FHIT: variants seen among roughly 807,000 people sequenced by gnomAD.
The protein encoded by FHIT is fragile histidine triad diadenosine triphosphatase.
In FHIT, 19 loss-of-function variants were observed where a neutral mutation model predicts 17.9. That is an observed-to-expected ratio of 1.06 (90% confidence interval 0.74 to 1.56). The LOEUF is 1.56. Among genes scored for constraint, FHIT ranks in the 40% most tolerant of loss-of-function variants. The pLI, the probability that FHIT is intolerant of heterozygous loss-of-function variation, is 0.00. For missense variants in FHIT, 248 were observed against 189.2 expected (o/e 1.31, Z -1.82); for synonymous variants, 81 against 69.7 (o/e 1.16, Z -0.81).
intron 5 of FHIT, among the ~76,000 whole-genome samples, chr3:60,082,509 T>C (rs1055956512): frequency 8.5e-5 from 13 of 152,120 alleles, no homozygotes; most frequent in African/African-American, 2.9e-4. Context: ...AATTACTGGG[T>C]TGAACAGTAG....
intron 4 of FHIT, among the ~76,000 whole-genome samples, chr3:60,568,012 C>A (rs2107655939): frequency 6.6e-6 from 1 of 152,258 alleles, no homozygotes; most frequent in South Asian, 2.1e-4. Flanking sequence ...GTTGGTGGGA[C>A]TGTAAACTAG....
intron 8 of FHIT, among the ~76,000 whole-genome samples, chr3:59,813,864 G>A (rs1700494829): frequency 6.6e-6 from 1 of 152,086 alleles, no homozygotes; most frequent in Non-Finnish European, 1.5e-5. Context: ...CTATGAAGGG[G>A]GTAACTGAGG....
intron 4 of FHIT, among the ~76,000 whole-genome samples, chr3:60,763,756 C>G (rs1165518238): frequency 6.6e-6 from 1 of 152,176 alleles, no homozygotes; most frequent in Non-Finnish European, 1.5e-5. Context: ...CAAATCAAGA[C>G]TCATATTACA....
intron 7 of FHIT, among the ~76,000 whole-genome samples, chr3:60,007,877 G>A (rs1699985325): frequency 6.6e-6 from 1 of 152,162 alleles, no homozygotes; most frequent in African/African-American, 2.4e-5. Context: ...TGTTAGGTCA[G>A]AGAATTCTTT....
At chr3:60,281,912 T>C (rs1389541197) in intron 5 of FHIT, among the ~76,000 whole-genome samples, 1 of 152,144 alleles carries the variant, frequency 6.6e-6, no homozygotes, top group Non-Finnish European at 1.5e-5. Context: ...TAGAAAATAT[T>C]AACATCATAT....
At chr3:60,736,727 T>TATAAATA (rs2042140140) in intron 4 of FHIT, among the ~76,000 whole-genome samples, 1 of 152,208 alleles carries the variant, frequency 6.6e-6, no homozygotes, top group Non-Finnish European at 1.5e-5. Flanking sequence ...TAATGGCTAC[T>TATAAATA]CAACTTTGTA....
At chr3:60,050,483 G>C (rs1159178506) in intron 5 of FHIT, among the ~76,000 whole-genome samples, 1 of 152,072 alleles carries the variant, frequency 6.6e-6, no homozygotes, top group South Asian at 2.1e-4. Flanking sequence ...TTAGGTACTT[G>C]CCATTTGAGA....
At chr3:61,139,694 T>C (rs545711499) in intron 2 of FHIT, among the ~76,000 whole-genome samples, 1 of 152,314 alleles carries the variant, frequency 6.6e-6, no homozygotes, top group African/African-American at 2.4e-5. Context: ...AATTTTGCTG[T>C]AGCATGAAGA....
At chr3:60,038,791 C>T (rs550380835) in intron 5 of FHIT, among the ~76,000 whole-genome samples, 3 of 152,126 alleles carry the variant, frequency 2.0e-5, no homozygotes, top group South Asian at 4.2e-4. Flanking sequence ...TACCATGGTG[C>T]GAAACAAAGA....
chr3:60,683,476 G>C (rs1247213558), intron 4 of FHIT, among the ~76,000 whole-genome samples: 3 of 151,916 alleles, frequency 2.0e-5, no homozygotes. Flanking sequence ...CTTACTGAAG[G>C]CTCAAATGAT....
chr3:60,233,774 C>A (rs1704622278), intron 5 of FHIT, among the ~76,000 whole-genome samples: 1 of 152,018 alleles, frequency 6.6e-6, no homozygotes, highest in Non-Finnish European at 1.5e-5. Flanking sequence ...CCATGCTGTT[C>A]TTGTGATAGT....
intron 5 of FHIT, among the ~76,000 whole-genome samples, chr3:60,312,323 G>A (rs1173152843): frequency 6.6e-6 from 1 of 151,772 alleles, no homozygotes; most frequent in Admixed American, 6.6e-5. Context: ...AAATTTTTTT[G>A]TACAGACAAG....
intron 4 of FHIT, among the ~76,000 whole-genome samples, chr3:60,638,417 A>C (rs1189853140): frequency 6.6e-6 from 1 of 152,220 alleles, no homozygotes. Flanking sequence ...CACTGACAAC[A>C]TGTGAATCTA....
At chr3:60,958,029 G>A (rs1292621652) in intron 3 of FHIT, among the ~76,000 whole-genome samples, 5 of 151,890 alleles carry the variant, frequency 3.3e-5, no homozygotes, top group Middle Eastern at 3.2e-3. Flanking sequence ...TCTTTTGTAC[G>A]CACTTAAAAA....
intron 5 of FHIT, among the ~76,000 whole-genome samples, chr3:60,312,073 G>A (rs1203170775): frequency 6.6e-6 from 1 of 152,032 alleles, no homozygotes; most frequent in East Asian, 1.9e-4. Flanking sequence ...ATACAGCAAG[G>A]GTAAACACTG....
At chr3:60,628,599 T>C (rs1478436066) in intron 4 of FHIT, among the ~76,000 whole-genome samples, 2 of 152,202 alleles carry the variant, frequency 1.3e-5, no homozygotes, top group Admixed American at 6.5e-5. Context: ...AGGCCAATTT[T>C]TCGTTACTCC....
intron 5 of FHIT, among the ~76,000 whole-genome samples, chr3:60,466,025 A>G (rs923390326): frequency 2.6e-5 from 4 of 152,064 alleles, no homozygotes; most frequent in African/African-American, 4.8e-5. Context: ...TGAACATGGA[A>G]TATCTTTCCA....
chr3:60,464,900 T>G (rs747764869), intron 5 of FHIT, among the ~76,000 whole-genome samples: 1 of 152,152 alleles, frequency 6.6e-6, no homozygotes, highest in Non-Finnish European at 1.5e-5. Context: ...CTGGATCATA[T>G]GGTAGCTCTT....
chr3:60,329,660 T>C (rs1264922074), intron 5 of FHIT, among the ~76,000 whole-genome samples: 3 of 152,222 alleles, frequency 2.0e-5, no homozygotes, highest in Non-Finnish European at 4.4e-5. Flanking sequence ...CTATTCCATC[T>C]GCATTCCTGC....
Sources: gnomAD v4.1 joint callset for allele counts (sites outside exome capture counted in the v4.1 genomes callset) on GRCh38, gnomAD v4.1.1 for gene constraint, MANE v1.5 for transcripts, NCBI Gene and HGNC (gene_info 2026-07-23, HGNC 2026-07-21) for gene names.